SFMBT2: variants seen among roughly 807,000 people sequenced by gnomAD.
The protein encoded by SFMBT2 is Scm like with four mbt domains 2, also known as scm-like with four MBT domains protein 2.
Under a neutral mutation model 110.1 loss-of-function variants are expected in SFMBT2, and 38 were observed. The observed-to-expected ratio is 0.35, with a 90% CI of 0.27 to 0.45. The LOEUF (loss-of-function observed/expected upper bound fraction) is 0.45. Ranked by LOEUF, SFMBT2 falls within the 20% of genes least tolerant of loss-of-function variation. The pLI is 1.00. For missense variants in SFMBT2, 1,011 were observed against 1,094.9 expected (o/e 0.92, Z 1.08); for synonymous variants, 425 against 425.4 (o/e 1.00, Z 0.01).
intron 16 of SFMBT2, among the ~76,000 whole-genome samples, chr10:7,187,646 T>C (rs1203941603): frequency 6.6e-6 from 1 of 152,238 alleles, no homozygotes; most frequent in Non-Finnish European, 1.5e-5. Context: ...TGGCAATGAA[T>C]GTTGAGTGTG....
intron 14 of SFMBT2, chr10:7,198,006 C>T (rs1441229291): frequency 4.1e-6 from 4 of 985,300 alleles, no homozygotes; most frequent in Non-Finnish European, 4.8e-6. Flanking sequence ...CATTTTATAT[C>T]CTTAATGATA....
intron 1 of SFMBT2, among the ~76,000 whole-genome samples, chr10:7,397,374 TG>T (rs1845954700): frequency 1.3e-5 from 2 of 150,918 alleles, no homozygotes; most frequent in African/African-American, 2.4e-5. Context: ...GTTGTTTTTT[TG>T]TTTTTTTTTT....
At chr10:7,272,844 G>A (rs1037189217) in intron 7 of SFMBT2, among the ~76,000 whole-genome samples, 2 of 152,206 alleles carry the variant, frequency 1.3e-5, no homozygotes, top group South Asian at 2.1e-4. Flanking sequence ...CCAGACTGGA[G>A]TGCAGTGGTG....
At chr10:7,370,968 CTT>C (rs1404618044) in intron 2 of SFMBT2, 1 of 166,138 alleles carries the variant, frequency 6.0e-6, no homozygotes, top group Non-Finnish European at 1.2e-5. Context: ...GCTCCCAACT[CTT>C]ACCTACTGCC....
At position 7,276,858 on chromosome 10, in the gene SFMBT2, A is replaced by G. The variant is rs760780163; in HGVS notation, c.870+34T>C. On this transcript the variant is annotated intron_variant, in intron 7 of 20. Transcript: ENST00000397167. The stretch of plus-strand genomic sequence containing the variant: ...TTTGTAGATGATTTTATTCTCAAAA[A>G]GGGTAGATACATTGCTAAGAATCAA... The G allele has an allele frequency of 4.7e-6, 4 of 846,788 alleles. No homozygotes were observed. The South Asian group carries it at 5.3e-5, about 11-fold the overall frequency. The allele number at this position is 846,788 out of a possible 1,614,324, so 52.5% of individuals were successfully genotyped here. A position where few individuals can be genotyped will look rare whatever the true frequency, so the allele number is the denominator to read the frequency against.
chr10:7,406,905 G>A (rs2132134773), intron 1 of SFMBT2, among the ~76,000 whole-genome samples: 1 of 151,952 alleles, frequency 6.6e-6, no homozygotes, highest in African/African-American at 2.4e-5. Context: ...CGAGACCCCC[G>A]GCTCGGGGCA....
chr10:7,297,350 G>A (rs7101021), intron 4 of SFMBT2, among the ~76,000 whole-genome samples: 147,004 of 152,306 alleles, frequency 0.97, 70,977 homozygotes, highest in East Asian at 1. Flanking sequence ...ACATCAGAAA[G>A]GCTGCCTAAC....
In SFMBT2 at chr10:7,273,023, G is replaced by A. The variant is rs536428250; in HGVS notation, c.870+3869C>T. 7.9e-5 allele frequency among the ~76,000 whole-genome samples: 12 copies of A among 152,252 alleles called. No individual in the cohort carries two copies. In the South Asian group the frequency reaches 1.7e-3, roughly 21 times the overall value. On this transcript the variant is annotated intron_variant, in intron 7 of 20. Coordinates refer to ENST00000397167, the MANE Select transcript of SFMBT2 (RefSeq NM_001387889.1). Reference sequence around the variant, plus strand: ...TTGGCCAGGCTGGTCTAGAACTCCTGACCTCAAATGATCTGCCCGTCTCGG... The same window carrying A: ...TTGGCCAGGCTGGTCTAGAACTCCTAACCTCAAATGATCTGCCCGTCTCGG...
chr10:7,305,220 A>G (rs956363518), intron 4 of SFMBT2, among the ~76,000 whole-genome samples: 2 of 152,322 alleles, frequency 1.3e-5, no homozygotes, highest in Non-Finnish European at 2.9e-5. Context: ...ATCACCTGCA[A>G]TCGTCTTCTT....
intron 16 of SFMBT2, among the ~76,000 whole-genome samples, chr10:7,186,423 T>TACACACACACACAC (rs766631230): frequency 9.2e-6 from 1 of 108,136 alleles, no homozygotes; most frequent in South Asian, 3.0e-4. Flanking sequence ...ACATACTATA[T>TACACACACACACAC]ATACACACAC....
intron 1 of SFMBT2, among the ~76,000 whole-genome samples, chr10:7,388,833 T>TG (rs1845692236): frequency 6.6e-6 from 1 of 152,062 alleles, no homozygotes; most frequent in Non-Finnish European, 1.5e-5. Flanking sequence ...ACTCTGCAGA[T>TG]GGAGTGGATG....
At chr10:7,180,005 T>C (rs567192188) in intron 16 of SFMBT2, among the ~76,000 whole-genome samples, 2 of 152,314 alleles carry the variant, frequency 1.3e-5, no homozygotes, top group South Asian at 2.1e-4. Flanking sequence ...TGAGTAAGGA[T>C]AGGGCACGGG....
At chr10:7,268,515 A>AT (rs770466011) in intron 7 of SFMBT2, among the ~76,000 whole-genome samples, 9,748 of 146,990 alleles carry the variant, frequency 0.066, 401 homozygotes, top group Non-Finnish European at 0.093. Context: ...GTTTTATCTA[A>AT]TTTTTTTTTT....
Position 7,281,947 on chromosome 10 carries a change from C to T in SFMBT2, c.772+1957G>A, listed in dbSNP as rs527464072. 2.5e-4 allele frequency among the ~76,000 whole-genome samples: 38 copies of T among 152,242 alleles called. No homozygotes were observed. The East Asian group carries it at 7.0e-3, about 28-fold the overall frequency. The stretch of plus-strand genomic sequence containing the variant: ...TGCAGCCTCCTCTCCTGTGATCAAG[C>T]GATCCTCCCACCTCAGCCCCCTAAG... On this transcript the variant is annotated intron_variant, in intron 6 of 20. Transcript: ENST00000397167.
intron 7 of SFMBT2, among the ~76,000 whole-genome samples, chr10:7,259,085 G>A (rs1242034015): frequency 6.6e-6 from 1 of 152,152 alleles, no homozygotes. Context: ...GACGCTGAGG[G>A]GGCCCCTAAA....
At chr10:7,175,079 G>A (rs1301862739) in intron 17 of SFMBT2, among the ~76,000 whole-genome samples, 6 of 152,282 alleles carry the variant, frequency 3.9e-5, no homozygotes, top group Non-Finnish European at 5.9e-5. Context: ...AACGTCACAA[G>A]TGACTGTGGC....
At chr10:7,193,088 T>A (rs527382013) in intron 15 of SFMBT2, among the ~76,000 whole-genome samples, 7 of 152,282 alleles carry the variant, frequency 4.6e-5, no homozygotes, top group African/African-American at 1.7e-4. Context: ...AAATCAGGCG[T>A]TCTATTTCTA....
chr10:7,391,175 A>G (rs1467187404), intron 1 of SFMBT2, among the ~76,000 whole-genome samples: 2 of 152,024 alleles, frequency 1.3e-5, no homozygotes, highest in Non-Finnish European at 2.9e-5. Flanking sequence ...CCACTGAAAG[A>G]GTAGCACAGT....
chr10:7,198,339 G>T (rs1838841372), intron 14 of SFMBT2, among the ~76,000 whole-genome samples: 1 of 152,154 alleles, frequency 6.6e-6, no homozygotes, highest in Non-Finnish European at 1.5e-5. Context: ...TACTTTTTCA[G>T]GACTGTCAAC....
Sources: allele counts gnomAD v4.1 joint callset (sites outside exome capture counted in the v4.1 genomes callset), GRCh38; gene constraint gnomAD v4.1.1; transcripts MANE v1.5; gene names NCBI Gene and HGNC (gene_info 2026-07-23, HGNC 2026-07-21).